Variants in NSMCE2 observed in about 807,000 individuals in gnomAD.
The protein encoded by NSMCE2 is E3 SUMO-protein ligase NSE2.
A neutral mutation model predicts 23.8 loss-of-function variants in NSMCE2; 24 were observed. That is an observed-to-expected ratio of 1.01 (90% confidence interval 0.73 to 1.42). The LOEUF (loss-of-function observed/expected upper bound fraction) is 1.42, where lower values mean the gene tolerates loss of function less well. NSMCE2 is among the 40% of genes most tolerant of loss of function. The pLI is 0.00. For missense variants in NSMCE2, 284 were observed against 296.5 expected, an observed-to-expected ratio of 0.96 and a Z score of 0.31; for synonymous variants, 92 against 94.1, an observed-to-expected ratio of 0.98 and a Z score of 0.13.
At chr8:125,290,674 G>A (rs555790786) in intron 5 of NSMCE2, among the ~76,000 whole-genome samples, 1 of 152,284 alleles carries the variant, frequency 6.6e-6, no homozygotes, top group South Asian at 2.1e-4. Flanking sequence ...TGTGGTCCAG[G>A]CAACTGTGAT....
chr8:125,178,761 T>A (rs572813061), intron 4 of NSMCE2, among the ~76,000 whole-genome samples: 146 of 152,158 alleles, frequency 9.6e-4, no homozygotes, highest in African/African-American at 3.3e-3. Flanking sequence ...TCCCAGCTAC[T>A]TGGGAGGCTG....
chr8:125,102,675 G>A (rs1032474757), intron 3 of NSMCE2, among the ~76,000 whole-genome samples, 188 bp downstream of exon 3: 1 of 152,138 alleles, frequency 6.6e-6, no homozygotes, highest in African/African-American at 2.4e-5. Flanking sequence ...ATTCATGTGT[G>A]TTCAGACAGT....
intron 3 of NSMCE2, among the ~76,000 whole-genome samples, chr8:125,140,470 C>T (rs965315801): frequency 2.0e-5 from 3 of 152,154 alleles, no homozygotes; most frequent in Non-Finnish European, 4.4e-5. Flanking sequence ...TGAGACCAGC[C>T]TGGCCAACAT....
At chr8:125,104,060 G>A in intron 3 of NSMCE2, among the ~76,000 whole-genome samples, 1 of 149,774 alleles carries the variant, frequency 6.7e-6, no homozygotes, top group Non-Finnish European at 1.5e-5. Flanking sequence ...GTGCGATCTC[G>A]GCTCACTGCA....
At chr8:125,208,097 C>T (rs569574107) in intron 5 of NSMCE2, among the ~76,000 whole-genome samples, 2 of 152,250 alleles carry the variant, frequency 1.3e-5, no homozygotes, top group East Asian at 1.9e-4. Context: ...TACTCAAATA[C>T]GAGTTTTTAA....
At chr8:125,106,249 A>C (rs559640419) in intron 3 of NSMCE2, among the ~76,000 whole-genome samples, 2 of 152,342 alleles carry the variant, frequency 1.3e-5, no homozygotes, top group East Asian at 1.9e-4. Context: ...TAAAATACTA[A>C]AACAATGAGA....
chr8:125,251,228 A>G (rs868227), intron 5 of NSMCE2, among the ~76,000 whole-genome samples: 16,049 of 152,228 alleles, frequency 0.11, 1,039 homozygotes, highest in East Asian at 0.17. Flanking sequence ...CCCATTAGAA[A>G]GTTTCAGGGA....
intron 5 of NSMCE2, among the ~76,000 whole-genome samples, chr8:125,323,906 G>C (rs1258082675): frequency 1.3e-5 from 2 of 152,076 alleles, no homozygotes; most frequent in African/African-American, 4.8e-5. Flanking sequence ...TCACAAATCT[G>C]ATAAAGGGCC....
intron 5 of NSMCE2, among the ~76,000 whole-genome samples, chr8:125,351,154 G>T (rs1371245582): frequency 6.6e-6 from 1 of 152,142 alleles, no homozygotes; most frequent in East Asian, 1.9e-4. Context: ...GAGAACCAAA[G>T]GCAGAGCTGC....
intron 5 of NSMCE2, among the ~76,000 whole-genome samples, chr8:125,226,901 T>C: frequency 6.6e-6 from 1 of 152,034 alleles, no homozygotes; most frequent in Non-Finnish European, 1.5e-5. Flanking sequence ...CTCCAAAACT[T>C]GTTCTGGCAA....
intron 4 of NSMCE2, among the ~76,000 whole-genome samples, chr8:125,167,551 C>G (rs1168632009): frequency 6.6e-6 from 1 of 151,902 alleles, no homozygotes; most frequent in South Asian, 2.1e-4. Flanking sequence ...ACGAGAATCA[C>G]TTGAACCCAG....
intron 5 of NSMCE2, among the ~76,000 whole-genome samples, chr8:125,220,300 A>G (rs1393586539): frequency 6.6e-6 from 1 of 152,186 alleles, no homozygotes; most frequent in Non-Finnish European, 1.5e-5. Flanking sequence ...GGAGTTGCCT[A>G]ACAGTATAAT....
chr8:125,280,307 C>T (rs930492376), intron 5 of NSMCE2, among the ~76,000 whole-genome samples: 5 of 152,212 alleles, frequency 3.3e-5, no homozygotes, highest in African/African-American at 1.2e-4. Context: ...AATACATCCT[C>T]AGAGAGAGAT....
intron 5 of NSMCE2, among the ~76,000 whole-genome samples, chr8:125,254,874 G>A (rs1826341940): frequency 6.6e-6 from 1 of 152,082 alleles, no homozygotes; most frequent in Non-Finnish European, 1.5e-5. Context: ...GGCACGTAAA[G>A]GAATATAGTT....
chr8:125,195,287 AT>A (rs923215417), intron 5 of NSMCE2, among the ~76,000 whole-genome samples: 7 of 151,194 alleles, frequency 4.6e-5, no homozygotes, highest in African/African-American at 1.5e-4. Context: ...GTCCACAGGC[AT>A]TTTTTTTTAA....
chr8:125,111,501 T>C (rs565334770), intron 3 of NSMCE2, among the ~76,000 whole-genome samples: 4 of 152,348 alleles, frequency 2.6e-5, no homozygotes, highest in African/African-American at 9.6e-5. Flanking sequence ...AAACCTTTCA[T>C]GTTCAAAATG....
At chr8:125,183,163 C>T (rs995166281) in intron 5 of NSMCE2, among the ~76,000 whole-genome samples, 9 of 152,208 alleles carry the variant, frequency 5.9e-5, no homozygotes, top group Non-Finnish European at 1.2e-4. Context: ...AAATTTACCT[C>T]GTGTCCTTAT....
At chr8:125,341,012 G>A (rs988349488) in intron 5 of NSMCE2, among the ~76,000 whole-genome samples, 3 of 152,092 alleles carry the variant, frequency 2.0e-5, no homozygotes, top group Admixed American at 1.3e-4. Flanking sequence ...CCCTCACTGG[G>A]CATGTGGTCG....
intron 5 of NSMCE2, among the ~76,000 whole-genome samples, chr8:125,234,893 C>G (rs1825477237): frequency 6.6e-6 from 1 of 152,198 alleles, no homozygotes; most frequent in Admixed American, 6.5e-5. Flanking sequence ...CCCGCCACCT[C>G]TGTCCTCTAA....
Sources: gnomAD v4.1 joint callset for allele counts (sites outside exome capture counted in the v4.1 genomes callset) on GRCh38, gnomAD v4.1.1 for gene constraint, MANE v1.5 for transcripts, NCBI Gene and HGNC (gene_info 2026-07-23, HGNC 2026-07-21) for gene names.